The following ARMH3 variants were observed in gnomAD, a reference collection of about 807,000 sequenced individuals.
ARMH3 encodes the protein armadillo-like helical domain-containing protein 3.
ARMH3 carries 60 observed loss-of-function variants against 99.1 expected under a neutral mutation model. The ratio of observed to expected loss-of-function variants is 0.61; its 90% CI spans 0.49 to 0.75. ARMH3 has a LOEUF of 0.75. ARMH3 is among the 30% of genes least tolerant of loss of function. The pLI is 0.00. For synonymous variants in ARMH3, 285 were observed against 292.8 expected (o/e 0.97, Z 0.27); for missense variants, 679 against 843.1 (o/e 0.81, Z 2.41).
At chr10:101,927,891 A>G (rs1843571063) in intron 23 of ARMH3, among the ~76,000 whole-genome samples, 1 of 152,098 alleles carries the variant, frequency 6.6e-6, no homozygotes, top group African/African-American at 2.4e-5. Flanking sequence ...TGGCCAACAT[A>G]GTGAAACCCC....
At chr10:102,007,198 G>A (rs2066519064) in intron 13 of ARMH3, among the ~76,000 whole-genome samples, 1 of 125,800 alleles carries the variant, frequency 7.9e-6, no homozygotes, top group Non-Finnish European at 1.7e-5. Flanking sequence ...AGCTGAGAAG[G>A]GACTACTTCT....
Position 101,995,329 on chromosome 10 carries a change from G to A in ARMH3, c.1177C>T (p.Leu393Phe). Residue 393 changes from leucine (L) to phenylalanine (F), a missense_variant, in exon 16 of 26, where the codon CTC becomes TTC. Leu to Phe is a conservative substitution (Grantham distance 22). Around this residue, in one of 3 missense-constraint regions of ARMH3, gnomAD observed 389 missense variants for 456.5 expected, o/e 0.85. Transcript: ENST00000370033. ...ATACATGTAAGGATAATCAGACAGA[G>A]TTTGCCACTGTGAAGCCTGTGTTCA... ...KDEHRLHSGK[L>F]CLIILTCIAE... The A allele has an allele frequency of 6.2e-7, 1 of 1,613,942 alleles. No individual in the cohort carries two copies. Among genetic ancestry groups the A allele is most frequent in the Non-Finnish European group, 8.5e-7 (1 of 1,179,870 alleles).
intron 22 of ARMH3, chr10:101,952,796 C>A (rs866182972): frequency 1.3e-5 from 2 of 152,176 alleles, no homozygotes; most frequent in Non-Finnish European, 2.9e-5. Flanking sequence ...TCTTGTAGAA[C>A]TGAAACTCTA....
At chr10:101,864,705 G>T (rs914689594) in intron 24 of ARMH3, among the ~76,000 whole-genome samples, 2 of 152,128 alleles carry the variant, frequency 1.3e-5, no homozygotes, top group African/African-American at 4.8e-5. Flanking sequence ...AGAACACTTG[G>T]ACACAGGTTG....
chr10:101,916,774 G>T (rs753121455), intron 23 of ARMH3, among the ~76,000 whole-genome samples: 10 of 152,260 alleles, frequency 6.6e-5, no homozygotes, highest in Non-Finnish European at 1.3e-4. Context: ...ACCAATATAA[G>T]CAGCCATCAT....
chr10:101,921,803 A>G (rs1033714641), intron 23 of ARMH3, among the ~76,000 whole-genome samples: 2 of 152,222 alleles, frequency 1.3e-5, no homozygotes, highest in African/African-American at 4.8e-5. Context: ...GGTACAGAGT[A>G]GAATGACACC....
intron 1 of ARMH3, among the ~76,000 whole-genome samples, chr10:102,050,863 A>G (rs182576727): frequency 3.6e-3 from 545 of 151,736 alleles, no homozygotes; most frequent in Non-Finnish European, 6.2e-3. Flanking sequence ...TCTCAGAAAA[A>G]AAAAAAAAAA....
At chr10:101,851,959 C>T (rs985668760) in intron 24 of ARMH3, among the ~76,000 whole-genome samples, 30 of 152,192 alleles carry the variant, frequency 2.0e-4, no homozygotes, top group Admixed American at 1.9e-3. Flanking sequence ...GGGCTGCACT[C>T]GTGGCTGGAA....
chr10:101,917,719 T>G (rs1843143695), intron 23 of ARMH3, among the ~76,000 whole-genome samples: 1 of 152,220 alleles, frequency 6.6e-6, no homozygotes, highest in South Asian at 2.1e-4. Flanking sequence ...CTGTGATGCT[T>G]CTCTTTCTGG....
chr10:101,967,401 G>A (rs1845584255), intron 20 of ARMH3, among the ~76,000 whole-genome samples: 1 of 152,142 alleles, frequency 6.6e-6, no homozygotes, highest in African/African-American at 2.4e-5. Flanking sequence ...TCAGCAGAGT[G>A]GTGCAGGAGA....
chr10:102,034,206 T>C lies in ARMH3; in HGVS notation c.103-867A>G, dbSNP rs982057551. 3.3e-5 allele frequency among the ~76,000 whole-genome samples: 5 copies of C among 152,342 alleles called. No individual in the cohort carries two copies. The South Asian group carries it at 1.0e-3, about 32-fold the overall frequency. ...TTAGTATTCTGTACAGAGCTTTTAA[T>C]GTGCTCTAAATTTCTTAATTTAAAT... On this transcript the variant is annotated intron_variant, in intron 2 of 25. Coordinates refer to ENST00000370033, the MANE Select transcript of ARMH3 (RefSeq NM_024541.3).
intron 20 of ARMH3, among the ~76,000 whole-genome samples, chr10:101,972,627 G>A (rs1845819188): frequency 6.6e-6 from 1 of 152,190 alleles, no homozygotes; most frequent in African/African-American, 2.4e-5. Context: ...TATTATACAT[G>A]TGACTGCATA....
At chr10:102,021,384 A>AT (rs1381318319) in intron 8 of ARMH3, among the ~76,000 whole-genome samples, 284 of 128,894 alleles carry the variant, frequency 2.2e-3, no homozygotes, top group African/African-American at 3.0e-3. Flanking sequence ...CCAGCCTTAG[A>AT]TTTTTTTTTT....
At chr10:102,008,024 T>A (rs1467610527) in intron 13 of ARMH3, among the ~76,000 whole-genome samples, 1 of 152,278 alleles carries the variant, frequency 6.6e-6, no homozygotes, top group East Asian at 1.9e-4. Flanking sequence ...CTCTTGAGAA[T>A]TAAGCTGAGT....
chr10:101,927,182 A>G (rs1191030450), intron 23 of ARMH3, among the ~76,000 whole-genome samples: 5 of 152,232 alleles, frequency 3.3e-5, no homozygotes, highest in Admixed American at 2.6e-4. Flanking sequence ...ACACCCATAA[A>G]AAGTTAAAGC....
intron 15 of ARMH3, among the ~76,000 whole-genome samples, chr10:102,000,680 G>T (rs1443363076): frequency 6.6e-6 from 1 of 151,126 alleles, no homozygotes; most frequent in East Asian, 2.0e-4. Flanking sequence ...TGAGGTGGGA[G>T]AATCACCTGA....
intron 23 of ARMH3, among the ~76,000 whole-genome samples, chr10:101,891,298 C>T (rs1437087683): frequency 6.6e-6 from 1 of 151,968 alleles, no homozygotes; most frequent in Non-Finnish European, 1.5e-5. Flanking sequence ...CGGGTTTAAG[C>T]AATTCTTCTG....
chr10:101,893,387 A>T (rs1015992532), intron 23 of ARMH3, among the ~76,000 whole-genome samples: 3 of 151,814 alleles, frequency 2.0e-5, no homozygotes, highest in African/African-American at 4.8e-5. Context: ...TTTCTTAGGA[A>T]ATTTTTTTTT....
intron 24 of ARMH3, among the ~76,000 whole-genome samples, chr10:101,879,131 C>T (rs1363572394): frequency 6.6e-6 from 1 of 152,166 alleles, no homozygotes; most frequent in African/African-American, 2.4e-5. Context: ...TCTTTCTCCA[C>T]TTTCCTGTAC....
Sources: allele counts gnomAD v4.1 joint callset (sites outside exome capture counted in the v4.1 genomes callset), GRCh38; gene constraint gnomAD v4.1.1; regional missense constraint gnomAD v4.1.1; transcripts MANE v1.5; gene names NCBI Gene and HGNC (gene_info 2026-07-23, HGNC 2026-07-21).